The following DCDC1 variants were observed in gnomAD, a reference collection of about 807,000 sequenced individuals.
DCDC1 encodes the protein doublecortin domain containing 1, also known as doublecortin domain-containing protein 1.
A neutral mutation model predicts 178.3 loss-of-function variants in DCDC1; 200 were observed. The ratio of observed to expected loss-of-function variants is 1.12; its 90% CI spans 1.00 to 1.26. The LOEUF (loss-of-function observed/expected upper bound fraction) is 1.26. DCDC1 is among the 50% of genes most tolerant of loss of function. The pLI is 0.00. For synonymous variants in DCDC1, 690 were observed against 604.8 expected, an observed-to-expected ratio of 1.14 and a Z score of -2.07; for missense variants, 1,983 against 1,749.2, an observed-to-expected ratio of 1.13 and a Z score of -2.38.
At chr11:31,311,924 C>T (rs777802138) in intron 3 of DCDC1, among the ~76,000 whole-genome samples, 9 of 152,290 alleles carry the variant, frequency 5.9e-5, no homozygotes, top group Middle Eastern at 3.4e-3. Flanking sequence ...TCTGCTGCCA[C>T]GACCAGTCAC....
At position 30,952,585 on chromosome 11, in the gene DCDC1, A is replaced by G; in HGVS notation, c.2592-17T>C. The G allele has an allele frequency of 8.8e-7, 1 of 1,140,948 alleles. No homozygotes were observed. Among genetic ancestry groups the G allele is most frequent in the South Asian group, 1.4e-5 (1 of 70,072 alleles). The allele number at this position is 1,140,948 out of a possible 1,614,324, so 70.7% of individuals were successfully genotyped here. On this transcript the variant is annotated splice_polypyrimidine_tract_variant and intron_variant, in intron 20 of 38. Transcript: ENST00000684477. ...ATGGCCCACCTAAAACAAAAGATAA[A>G]AAACAAAAAGAAATTTAGCAAGGTT...
At chr11:31,337,407 G>A (rs1219249485) in intron 1 of DCDC1, among the ~76,000 whole-genome samples, 1 of 152,180 alleles carries the variant, frequency 6.6e-6, no homozygotes, top group African/African-American at 2.4e-5. Context: ...GATGGCTCAC[G>A]CCTGTAATCC....
At chr11:31,024,997 G>T (rs1361799192) in intron 20 of DCDC1, among the ~76,000 whole-genome samples, 1 of 151,802 alleles carries the variant, frequency 6.6e-6, no homozygotes, top group East Asian at 1.9e-4. Flanking sequence ...AATTTTTGAA[G>T]CTATAACTTA....
At chr11:31,082,330 A>G (rs1957227919) in intron 17 of DCDC1, among the ~76,000 whole-genome samples, 1 of 151,974 alleles carries the variant, frequency 6.6e-6, no homozygotes, top group African/African-American at 2.4e-5. Context: ...CACAACTGCC[A>G]TTATCACCAC....
chr11:30,979,060 T>C (rs1950254725), intron 20 of DCDC1, among the ~76,000 whole-genome samples: 1 of 152,200 alleles, frequency 6.6e-6, no homozygotes, highest in South Asian at 2.1e-4. Flanking sequence ...AACTCTGAAC[T>C]ACATAACTGT....
intron 7 of DCDC1, chr11:31,281,059 ACTTT>A (rs1166221562): frequency 8.4e-6 from 4 of 475,186 alleles, no homozygotes; most frequent in Non-Finnish European, 1.6e-5. Context: ...CTTAAATTTC[ACTTT>A]CTAATTGTCA....
Position 30,958,042 on chromosome 11 carries a change from G to C in DCDC1, c.2592-5474C>G, listed in dbSNP as rs1017698168. Among the ~76,000 whole-genome samples the C allele has an allele frequency of 2.6e-5, 4 of 152,184 alleles. No individual in the cohort carries two copies. The South Asian group carries it at 8.3e-4, about 31-fold the overall frequency. Reference sequence around the variant, plus strand: ...TATAGTCCCACTTGGATGTGTCCCTGAAGGACAGTGGTGAGAAATTGTCCC... The same window carrying C: ...TATAGTCCCACTTGGATGTGTCCCTCAAGGACAGTGGTGAGAAATTGTCCC... On this transcript the variant is annotated intron_variant, in intron 20 of 38. Transcript: ENST00000684477.
chr11:31,305,775 C>A lies in DCDC1; in HGVS notation c.594G>T (p.Leu198=), dbSNP rs1204322217. The change falls in exon 6 of 39, where the codon CTG becomes CTT. Residue 198 remains leucine (L), a splice_region_variant and synonymous_variant. Coordinates refer to ENST00000684477, the MANE Select transcript of DCDC1 (RefSeq NM_001387274.1). ...ARVTVPTITL[L]LEECTEKLNL... ...TCAGCTTTTCTGTGCACTCCTCCAG[C>A]AGCTAGAAGAAAGCAAGAGGTAAGT... is the stretch of plus-strand genomic sequence containing the variant. 1.2e-6 allele frequency: 2 copies of A among 1,612,362 alleles called. No individual in the cohort carries two copies. The highest frequency in any genetic ancestry group is 2.2e-5 in the South Asian group (2 of 90,786).
intron 12 of DCDC1, 30 bp from the exon 13 acceptor site, chr11:31,106,990 T>C (rs759106627): frequency 3.1e-5 from 23 of 736,158 alleles, no homozygotes; most frequent in Non-Finnish European, 4.7e-5. Context: ...GCAGAGGGGA[T>C]AGAGGAGAAT....
At position 31,123,822 on chromosome 11, in the gene DCDC1, C is replaced by T. The variant is rs184938448; in HGVS notation, c.1485+3647G>A. 4.6e-3 allele frequency among the ~76,000 whole-genome samples: 692 copies of T among 152,072 alleles called. 6 individuals are homozygous for T. The highest frequency in any genetic ancestry group is 0.016 in the African/African-American group (667 of 41,532). The stretch of plus-strand genomic sequence containing the variant: ...CAGGGTGACCAACCATCTTGGTTTG[C>T]TGGATGCAGGCTTTTTAGTGCTAAA... On this transcript the variant is annotated intron_variant, in intron 11 of 38. Coordinates refer to ENST00000684477, the MANE Select transcript of DCDC1 (RefSeq NM_001387274.1).
At chr11:31,005,768 C>G (rs1951801858) in intron 20 of DCDC1, among the ~76,000 whole-genome samples, 1 of 151,908 alleles carries the variant, frequency 6.6e-6, no homozygotes, top group Admixed American at 6.5e-5. Context: ...AATCATGGCT[C>G]CTTGATATAA....
chr11:31,190,248 A>T (rs158144), intron 9 of DCDC1, among the ~76,000 whole-genome samples: 1 of 151,920 alleles, frequency 6.6e-6, no homozygotes, highest in Non-Finnish European at 1.5e-5. Flanking sequence ...AAACAACCAA[A>T]AGGTTAGTTA....
intron 20 of DCDC1, 40 bp from the exon 21 acceptor site, chr11:30,952,608 G>T (rs1250814468): frequency 1.1e-5 from 9 of 820,970 alleles, no homozygotes; most frequent in African/African-American, 1.7e-5. Context: ...ATTTAGCAAG[G>T]TTAAATATCA....
intron 22 of DCDC1, among the ~76,000 whole-genome samples, chr11:30,927,454 C>A (rs1447186411): frequency 6.6e-6 from 1 of 151,950 alleles, no homozygotes; most frequent in Admixed American, 6.6e-5. Flanking sequence ...GCAGAACATC[C>A]TACACCGGTT....
intron 15 of DCDC1, among the ~76,000 whole-genome samples, 195 bp downstream of exon 15, chr11:31,101,982 C>T (rs543662716): frequency 5.3e-5 from 8 of 151,138 alleles, no homozygotes; most frequent in Admixed American, 1.3e-4. Context: ...AAGGCTGAGG[C>T]GGGAGAATCG....
intron 9 of DCDC1, among the ~76,000 whole-genome samples, chr11:31,231,965 A>C (rs1376183966): frequency 6.6e-6 from 1 of 152,196 alleles, no homozygotes; most frequent in Non-Finnish European, 1.5e-5. Context: ...TGCTTTCCAA[A>C]CTCAATGACT....
chr11:30,899,765 G>A, intron 33 of DCDC1, 123 bp from the exon 34 acceptor site: 4 of 701,520 alleles, frequency 5.7e-6, no homozygotes, highest in African/African-American at 1.8e-5. Flanking sequence ...AAAAGGTAAG[G>A]GTCATTAAAA....
At chr11:31,158,376 CA>C (rs1281380275) in intron 9 of DCDC1, among the ~76,000 whole-genome samples, 3 of 152,092 alleles carry the variant, frequency 2.0e-5, no homozygotes, top group African/African-American at 7.2e-5. Flanking sequence ...CTCGGCCTCC[CA>C]AAGTGCTGGG....
At chr11:31,140,498 C>T (rs138165098) in intron 9 of DCDC1, among the ~76,000 whole-genome samples, 6 of 152,178 alleles carry the variant, frequency 3.9e-5, no homozygotes, top group African/African-American at 9.6e-5. Flanking sequence ...TTTTGTCAGG[C>T]CTTGCTGCTA....
Sources: gnomAD v4.1 joint callset for allele counts (sites outside exome capture counted in the v4.1 genomes callset) on GRCh38, gnomAD v4.1.1 for gene constraint, MANE v1.5 for transcripts, NCBI Gene and HGNC (gene_info 2026-07-23, HGNC 2026-07-21) for gene names.